BTG4: variants seen among roughly 807,000 people sequenced by gnomAD.
The protein encoded by BTG4 is BTG anti-proliferation factor 4.
Under a neutral mutation model 19.3 loss-of-function variants are expected in BTG4, and 10 were observed. The observed-to-expected ratio is 0.52, with a 90% CI of 0.32 to 0.88. BTG4 has a LOEUF of 0.88. Ranked by LOEUF, BTG4 falls within the 40% of genes least tolerant of loss-of-function variation. The probability of loss-of-function intolerance (pLI) is 0.04; values close to 1 mark genes in which losing one functional copy is unlikely to be tolerated. For synonymous variants in BTG4, 91 were observed against 95.7 expected (o/e 0.95, Z 0.29); for missense variants, 238 against 281.9 (o/e 0.84, Z 1.11).
At chr11:111,413,874 T>C in the BTG4 span, among the ~76,000 whole-genome samples, 10 of 152,302 alleles carry the variant, frequency 6.6e-5, no homozygotes, top group African/African-American at 2.4e-4. Flanking sequence ...ATGGCAAATT[T>C]GGCCCTGAAT....
the BTG4 span, among the ~76,000 whole-genome samples, chr11:111,459,119 G>A: frequency 2.0e-5 from 3 of 152,078 alleles, no homozygotes; most frequent in South Asian, 6.2e-4. Flanking sequence ...GTGGGAGCCT[G>A]TAATCTCAGC....
chr11:111,425,798 A>G, the BTG4 span, among the ~76,000 whole-genome samples: 1 of 152,218 alleles, frequency 6.6e-6, no homozygotes, highest in East Asian at 1.9e-4. Context: ...TTGGGAGGCC[A>G]AGGTGGGAAG....
the BTG4 span, chr11:111,456,372 C>T: frequency 2.6e-6 from 1 of 387,916 alleles, no homozygotes; most frequent in South Asian, 1.8e-5. This position sits in a 1 kb window ranked among gnomAD's most constrained non-coding sequence, Gnocchi z 4.2. Flanking sequence ...GACCCCTGCC[C>T]CCTCAGGAGC....
chr11:111,506,017 C>T (rs1275024897), intron 1 of BTG4, among the ~76,000 whole-genome samples: 3 of 152,130 alleles, frequency 2.0e-5, no homozygotes, highest in Admixed American at 6.6e-5. Context: ...TACTCACACA[C>T]TGTTGGTGGG....
chr11:111,463,334 G>A (rs1434922642), downstream of BTG4: 1 of 152,652 alleles, frequency 6.6e-6, no homozygotes, highest in Non-Finnish European at 1.5e-5. Context: ...ACCCCTGTGT[G>A]TTTGGAGAAT....
At chr11:111,413,793 G>A in the BTG4 span, among the ~76,000 whole-genome samples, 1 of 152,252 alleles carries the variant, frequency 6.6e-6, no homozygotes, top group African/African-American at 2.4e-5. Context: ...TCTGATCGAA[G>A]AGAAGGGGAC....
chr11:111,420,851 G>A, the BTG4 span, among the ~76,000 whole-genome samples: 1 of 152,192 alleles, frequency 6.6e-6, no homozygotes. Flanking sequence ...AGAGAAAAAT[G>A]AATCAATTAT....
chr11:111,407,500 G>A, the BTG4 span, among the ~76,000 whole-genome samples: 4 of 151,970 alleles, frequency 2.6e-5, no homozygotes, highest in South Asian at 2.1e-4. Context: ...GTGAAACCCC[G>A]TCTCTACTAA....
intron 5 of BTG4, among the ~76,000 whole-genome samples, chr11:111,473,884 T>A (rs995329700): frequency 1.3e-5 from 2 of 152,186 alleles, no homozygotes; most frequent in African/African-American, 2.4e-5. Flanking sequence ...TTTCTTCCAC[T>A]ACACCACAAA....
chr11:111,498,646 CTT>C lies in BTG4; in HGVS notation c.129_130del (p.His45LeufsTer4). The C allele has an allele frequency of 6.2e-7, 1 of 1,613,912 alleles. No individual in the cohort carries two copies. The highest frequency in any genetic ancestry group is 8.5e-7 in the Non-Finnish European group (1 of 1,179,974). On this transcript the variant is annotated frameshift_variant, in exon 2 of 5. Transcript: ENST00000692032. LOFTEE classifies it high-confidence loss of function. ...AGAAGGGCAATCAGAGTGCCAGTGA[CTT>C]CTGTATGTTTCAAACAAGATCGTCA...
intron 5 of BTG4, among the ~76,000 whole-genome samples, chr11:111,487,368 T>C (rs1865133318): frequency 6.6e-6 from 1 of 152,192 alleles, no homozygotes; most frequent in Admixed American, 6.5e-5. Flanking sequence ...AATGGTCATA[T>C]GATAATTTTG....
the BTG4 span, chr11:111,399,312 G>A: frequency 6.6e-6 from 1 of 152,178 alleles, no homozygotes; most frequent in Admixed American, 6.5e-5. Context: ...ATACCACTTA[G>A]CCTCTGGCAT....
chr11:111,388,254 C>A, the BTG4 span, among the ~76,000 whole-genome samples: 3 of 151,488 alleles, frequency 2.0e-5, no homozygotes, highest in African/African-American at 7.3e-5. Context: ...GAACCTGACT[C>A]AGTAGATCTG....
chr11:111,467,650 C>G (rs368347511), exon 6 of BTG4: 22 of 767,890 alleles, frequency 2.9e-5, no homozygotes, highest in South Asian at 2.7e-4. Context: ...CCAGGTGCTG[C>G]AAATTCATTC....
chr11:111,390,040 T>C, the BTG4 span, among the ~76,000 whole-genome samples: 10 of 152,318 alleles, frequency 6.6e-5, no homozygotes, highest in African/African-American at 2.4e-4. Flanking sequence ...TCATTTTACA[T>C]ATGAGGAAAC....
At chr11:111,426,275 GA>G in the BTG4 span, among the ~76,000 whole-genome samples, 10 of 148,330 alleles carry the variant, frequency 6.7e-5, no homozygotes, top group African/African-American at 2.0e-4. Flanking sequence ...GAAGGGAAAT[GA>G]AAAAAAAATG....
At chr11:111,475,156 C>T (rs1308538527) in intron 5 of BTG4, 2 of 152,526 alleles carry the variant, frequency 1.3e-5, no homozygotes, top group East Asian at 1.9e-4. Flanking sequence ...GTCTTAAATA[C>T]ATCACTACAA....
downstream of BTG4, among the ~76,000 whole-genome samples, chr11:111,493,808 C>T (rs1591507321): frequency 6.6e-6 from 1 of 152,088 alleles, no homozygotes; most frequent in Non-Finnish European, 1.5e-5. Context: ...CCTAATGAAC[C>T]ATCGTTTCTA....
intron 1 of BTG4, among the ~76,000 whole-genome samples, chr11:111,508,716 G>A (rs551617733): frequency 1.7e-4 from 25 of 150,476 alleles, no homozygotes; most frequent in African/African-American, 6.1e-4. Context: ...GATTCCTGAA[G>A]CACTTTTTCA....
Sources: allele counts gnomAD v4.1 joint callset (sites outside exome capture counted in the v4.1 genomes callset), GRCh38; gene constraint gnomAD v4.1.1; non-coding constraint Gnocchi (gnomAD v3.1); transcripts MANE v1.5; gene names NCBI Gene and HGNC (gene_info 2026-07-23, HGNC 2026-07-21).